PDE1C: variants seen among roughly 807,000 people sequenced by gnomAD.
The protein encoded by PDE1C is phosphodiesterase 1C, also known as dual specificity calcium/calmodulin-dependent 3',5'-cyclic nucleotide phosphodiesterase 1C.
A neutral mutation model predicts 93.1 loss-of-function variants in PDE1C; 62 were observed. The ratio of observed to expected loss-of-function variants is 0.67; its 90% CI spans 0.54 to 0.82. The LOEUF is 0.82. Ranked by LOEUF, PDE1C falls within the 40% of genes least tolerant of loss-of-function variation. The pLI, the probability that PDE1C is intolerant of heterozygous loss-of-function variation, is 0.00. For synonymous variants in PDE1C, 325 were observed against 310.1 expected, an observed-to-expected ratio of 1.05 and a Z score of -0.50; for missense variants, 742 against 884.6, an observed-to-expected ratio of 0.84 and a Z score of 2.04.
At chr7:32,402,784 A>G (rs1583420862) in intron 1 of PDE1C, among the ~76,000 whole-genome samples, 1 of 152,224 alleles carries the variant, frequency 6.6e-6, no homozygotes, top group East Asian at 1.9e-4. Flanking sequence ...TCTGGGTTCA[A>G]TAAATGGTAG....
At chr7:32,014,767 A>G (rs1238509601) in intron 2 of PDE1C, among the ~76,000 whole-genome samples, 2 of 152,100 alleles carry the variant, frequency 1.3e-5, no homozygotes, top group Non-Finnish European at 2.9e-5. Context: ...AGTTTCATCC[A>G]TGTCTTTTTA....
intron 2 of PDE1C, among the ~76,000 whole-genome samples, chr7:32,038,693 A>G (rs1458311618): frequency 6.6e-6 from 1 of 152,152 alleles, no homozygotes; most frequent in East Asian, 1.9e-4. Context: ...TTATGCTCCT[A>G]CAATGTTCCA....
At chr7:31,619,270 ACT>A in the PDE1C span, among the ~76,000 whole-genome samples, 832 of 152,140 alleles carry the variant, frequency 5.5e-3, 9 homozygotes, top group African/African-American at 0.019. Flanking sequence ...TTCTGGGTAA[ACT>A]CTCATAATTT....
intron 2 of PDE1C, among the ~76,000 whole-genome samples, chr7:32,206,096 C>CTA (rs1407671821): frequency 6.6e-6 from 1 of 152,066 alleles, no homozygotes; most frequent in African/African-American, 2.4e-5. Context: ...CTCAACGCGG[C>CTA]ACAGAATTCA....
downstream of PDE1C, among the ~76,000 whole-genome samples, chr7:31,750,763 G>A (rs887049768): frequency 2.0e-5 from 3 of 152,120 alleles, no homozygotes; most frequent in African/African-American, 7.2e-5. Flanking sequence ...ACGGAGTCTC[G>A]CTCTGTCGCC....
At chr7:31,632,399 A>T in the PDE1C span, among the ~76,000 whole-genome samples, 2 of 152,188 alleles carry the variant, frequency 1.3e-5, no homozygotes, top group Non-Finnish European at 2.9e-5. Flanking sequence ...ATGAGCCGAG[A>T]TTGTGCCACT....
At chr7:31,762,290 CTCT>C (rs1446741619) in intron 17 of PDE1C, among the ~76,000 whole-genome samples, 12 of 152,296 alleles carry the variant, frequency 7.9e-5, no homozygotes, top group African/African-American at 2.9e-4. Context: ...TATTCTTAAA[CTCT>C]TCAAGGTATA....
At chr7:32,088,471 C>T (rs760850154) in intron 3 of PDE1C, among the ~76,000 whole-genome samples, 7 of 152,232 alleles carry the variant, frequency 4.6e-5, no homozygotes, top group African/African-American at 1.2e-4. Flanking sequence ...TATTTGGGGC[C>T]GGGCCTTTCT....
At chr7:32,395,699 G>A (rs1784829491) in intron 1 of PDE1C, among the ~76,000 whole-genome samples, 1 of 152,154 alleles carries the variant, frequency 6.6e-6, no homozygotes, top group South Asian at 2.1e-4. Context: ...ATTTTAGTTA[G>A]CTACAGCTAC....
At chr7:31,762,238 G>A (rs775710366) in intron 17 of PDE1C, among the ~76,000 whole-genome samples, 1 of 152,090 alleles carries the variant, frequency 6.6e-6, no homozygotes, top group Non-Finnish European at 1.5e-5. Flanking sequence ...AATTACTTTC[G>A]TGCCATGTGC....
At chr7:32,274,438 G>A (rs566105273) in intron 1 of PDE1C, among the ~76,000 whole-genome samples, 1 of 149,306 alleles carries the variant, frequency 6.7e-6, no homozygotes, top group South Asian at 2.1e-4. Context: ...CAACTCCTAG[G>A]TTCAAGGGAT....
At chr7:31,924,034 G>C (rs1171704521) in intron 2 of PDE1C, among the ~76,000 whole-genome samples, 1 of 152,056 alleles carries the variant, frequency 6.6e-6, no homozygotes, top group African/African-American at 2.4e-5. Flanking sequence ...AGAAACTTGA[G>C]TTTTAAAATC....
downstream of PDE1C, among the ~76,000 whole-genome samples, chr7:31,749,313 G>C (rs571588204): frequency 1.2e-4 from 19 of 152,192 alleles, 1 homozygote; most frequent in Middle Eastern, 3.4e-3. Flanking sequence ...CAGGAGAGGT[G>C]GTGGTGGAAG....
the PDE1C span, among the ~76,000 whole-genome samples, chr7:31,670,178 G>A: frequency 6.6e-6 from 1 of 152,154 alleles, no homozygotes; most frequent in African/African-American, 2.4e-5. Flanking sequence ...CAGAAGTATT[G>A]CAGATTTTTT....
At chr7:31,862,974 A>G (rs2128832337) in intron 7 of PDE1C, among the ~76,000 whole-genome samples, 1 of 152,204 alleles carries the variant, frequency 6.6e-6, no homozygotes, top group East Asian at 1.9e-4. Flanking sequence ...TGAAATACCT[A>G]TTTTACATGA....
chr7:32,029,468 G>T (rs1186210966), intron 2 of PDE1C, among the ~76,000 whole-genome samples: 1 of 151,930 alleles, frequency 6.6e-6, no homozygotes, highest in Non-Finnish European at 1.5e-5. Flanking sequence ...GAAAAACAAA[G>T]AATTTCTCAA....
intron 1 of PDE1C, among the ~76,000 whole-genome samples, chr7:32,310,374 A>T (rs1191715418): frequency 6.6e-6 from 1 of 152,108 alleles, no homozygotes; most frequent in Non-Finnish European, 1.5e-5. Context: ...TACCCAAGAA[A>T]TGACCTCAGC....
chr7:31,659,250 C>G, the PDE1C span, among the ~76,000 whole-genome samples: 1 of 152,238 alleles, frequency 6.6e-6, no homozygotes. Flanking sequence ...GCTTTGTTAG[C>G]CGCTCCTATG....
intron 1 of PDE1C, among the ~76,000 whole-genome samples, chr7:32,052,921 T>G (rs920280395): frequency 3.3e-5 from 5 of 152,214 alleles, no homozygotes; most frequent in Non-Finnish European, 7.3e-5. Context: ...CAAATTTTCT[T>G]TAAAGAGTGA....
Sources: gnomAD v4.1 joint callset for allele counts (sites outside exome capture counted in the v4.1 genomes callset) on GRCh38, gnomAD v4.1.1 for gene constraint, MANE v1.5 for transcripts, NCBI Gene and HGNC (gene_info 2026-07-23, HGNC 2026-07-21) for gene names.